KANK1: variants seen among roughly 807,000 people sequenced by gnomAD.
The protein encoded by KANK1 is KN motif and ankyrin repeat domain-containing protein 1.
A neutral mutation model predicts 106.2 loss-of-function variants in KANK1; 109 were observed. The ratio of observed to expected loss-of-function variants is 1.03; its 90% confidence interval spans 0.88 to 1.20. The LOEUF (loss-of-function observed/expected upper bound fraction) is 1.20, where lower values mean the gene tolerates loss of function less well. Ranked by LOEUF, KANK1 falls within the 50% of genes most tolerant of loss-of-function variation. The probability of loss-of-function intolerance (pLI) is 0.00; values close to 1 mark genes in which losing one functional copy is unlikely to be tolerated. For missense variants in KANK1, 2,399 were observed against 1,710.7 expected, an observed-to-expected ratio of 1.40 and a Z score of -7.10; for synonymous variants, 873 against 652.2, an observed-to-expected ratio of 1.34 and a Z score of -5.16.
At chr9:743,112 G>A (rs906147750) in intron 10 of KANK1, among the ~76,000 whole-genome samples, 1 of 152,240 alleles carries the variant, frequency 6.6e-6, no homozygotes, top group African/African-American at 2.4e-5. Context: ...CATGTAGGCA[G>A]TGAGATGGTG....
Position 713,231 on chromosome 9 carries a change from G to A in KANK1, c.2465G>A (p.Gly822Asp), listed in dbSNP as rs765871513. The stretch of plus-strand genomic sequence containing the variant: ...CAAGCTCCACTTGGAATGATGACTG[G>A]CCTGGATCACTACATTGAGCGTATC... ...QPQAPLGMMT[G>D]LDHYIERIQK... Residue 822 changes from glycine (G) to aspartate (D), a missense_variant, in exon 3 of 12, where the codon GGC becomes GAC. Gly to Asp is a moderately conservative substitution (Grantham distance 94, BLOSUM62 -1). Coordinates refer to ENST00000382297, the MANE Select transcript of KANK1 (RefSeq NM_015158.5). 6.2e-7 allele frequency: 1 copy of A among 1,603,780 alleles called. No homozygotes were observed. Among genetic ancestry groups the A allele is most frequent in the Admixed American group, 1.7e-5 (1 of 59,180 alleles).
upstream of KANK1, among the ~76,000 whole-genome samples, chr9:504,242 GGGT>G (rs1240623311): frequency 1.3e-5 from 2 of 152,170 alleles, no homozygotes; most frequent in Non-Finnish European, 2.9e-5. Flanking sequence ...CTCCCCTTGC[GGGT>G]GTGTGTGCGA....
At chr9:726,628 ACT>A (rs1369852033) in intron 3 of KANK1, among the ~76,000 whole-genome samples, 1 of 151,304 alleles carries the variant, frequency 6.6e-6, no homozygotes, top group East Asian at 2.0e-4. Context: ...ACAGAGTAAG[ACT>A]CTGTCTCGAA....
intron 1 of KANK1, among the ~76,000 whole-genome samples, chr9:611,890 T>C (rs990814814): frequency 2.0e-5 from 3 of 152,066 alleles, no homozygotes; most frequent in Non-Finnish European, 4.4e-5. Context: ...GGCTAATTTT[T>C]TGTATGTTTA....
intron 1 of KANK1, among the ~76,000 whole-genome samples, chr9:609,720 C>G (rs1051326192): frequency 1.3e-5 from 2 of 152,084 alleles, no homozygotes; most frequent in Non-Finnish European, 2.9e-5. Flanking sequence ...ATTGGTACTT[C>G]TTTTATTCCC....
Position 711,135 on chromosome 9 carries a change from C to T in KANK1, c.369C>T (p.Pro123=). 6.2e-7 allele frequency: 1 copy of T among 1,614,166 alleles called. No homozygotes were observed. Among genetic ancestry groups the T allele is most frequent in the Non-Finnish European group, 8.5e-7 (1 of 1,180,032 alleles). ...CAACTCCAATCTCAAAGCCACCTCC[C>T]CCTCTGGAGACCTCACTCCCTTTTC... is the stretch of plus-strand genomic sequence containing the variant. The part of the protein sequence containing the change: ...VTSTPISKPP[P]PLETSLPFLT... The change falls in exon 3 of 12, where the codon CCC becomes CCT. Residue 123 remains proline (P), a synonymous_variant. Transcript: ENST00000382297.
At chr9:728,776 T>G (rs1291633938) in intron 3 of KANK1, among the ~76,000 whole-genome samples, 1 of 152,222 alleles carries the variant, frequency 6.6e-6, no homozygotes, top group Non-Finnish European at 1.5e-5. Flanking sequence ...CAGACACTCC[T>G]TTCTGTTGAT....
intron 1 of KANK1, among the ~76,000 whole-genome samples, chr9:594,056 G>C (rs58938929): frequency 6.6e-6 from 1 of 151,828 alleles, no homozygotes; most frequent in African/African-American, 2.4e-5. Flanking sequence ...ATGGTGCTGC[G>C]CTCGAGAGAA....
chr9:684,186 C>G, intron 2 of KANK1: 1 of 985,370 alleles, frequency 1.0e-6, no homozygotes, highest in African/African-American at 1.7e-5. Flanking sequence ...TGCCCCAAGC[C>G]TTGAGCCAGT....
chr9:734,909 T>C lies in KANK1; in HGVS notation c.3333+74T>C, dbSNP rs372869054. 1,190 of 1,072,840 alleles carry C rather than the reference T, an allele frequency of 1.1e-3. 20 individuals are homozygous for C. In the South Asian group the frequency reaches 0.014, roughly 13 times the overall value. 66.5% of individuals were successfully genotyped at this position (1,072,840 alleles called of 1,614,324 possible). On this transcript the variant is annotated intron_variant, in intron 7 of 11. Transcript: ENST00000382297. ...GTGGGTTCATTGTCAAGGCCAGCTG[T>C]AGGCTGCCCGAGCTGTTGCTTGCAT...
intron 1 of KANK1, among the ~76,000 whole-genome samples, chr9:567,618 C>T (rs1296261234): frequency 6.6e-6 from 1 of 152,284 alleles, no homozygotes; most frequent in Admixed American, 6.5e-5. Context: ...AGAACTTTTG[C>T]AGCATTTCTT....
At chr9:659,581 A>T (rs1018150621) in intron 1 of KANK1, among the ~76,000 whole-genome samples, 6 of 152,324 alleles carry the variant, frequency 3.9e-5, no homozygotes, top group African/African-American at 1.4e-4. Flanking sequence ...AAAAGGCTTA[A>T]TCGACTCACA....
At chr9:688,825 C>G (rs971331547) in intron 2 of KANK1, among the ~76,000 whole-genome samples, 2 of 152,098 alleles carry the variant, frequency 1.3e-5, no homozygotes, top group Admixed American at 6.5e-5. Flanking sequence ...TTCCTTTTGT[C>G]TCAGGCTTAT....
chr9:713,122 T>C lies in KANK1; in HGVS notation c.2356T>C (p.Leu786=), dbSNP rs1826662398. 1 of 1,603,504 alleles carries C rather than the reference T, an allele frequency of 6.2e-7. No homozygotes were observed. Among genetic ancestry groups the C allele is most frequent in the African/African-American group, 1.3e-5 (1 of 74,730 alleles). ...GACTATAGCTTGTGGGCCACCACAG[T>C]TGACTGTGGGGCTGACAGCCAGCAG... ...MRTIACGPPQ[L]TVGLTASRRS... Residue 786 remains leucine, a synonymous_variant, in exon 3 of 12, where the codon TTG becomes CTG. Coordinates refer to ENST00000382297, the MANE Select transcript of KANK1 (RefSeq NM_015158.5).
At chr9:570,733 T>C (rs368654514) in intron 1 of KANK1, among the ~76,000 whole-genome samples, 1 of 152,230 alleles carries the variant, frequency 6.6e-6, no homozygotes. Flanking sequence ...TTAGGAAATA[T>C]GCATGCTAAT....
intron 10 of KANK1, among the ~76,000 whole-genome samples, chr9:742,913 ACTT>A (rs1836059366): frequency 6.6e-6 from 1 of 152,122 alleles, no homozygotes; most frequent in African/African-American, 2.4e-5. Context: ...GAGTAGCTTG[ACTT>A]CTTGAAGCGT....
At chr9:682,372 G>A (rs1166998198) in intron 2 of KANK1, among the ~76,000 whole-genome samples, 1 of 151,988 alleles carries the variant, frequency 6.6e-6, no homozygotes, top group Non-Finnish European at 1.5e-5. Context: ...TCCACACTAG[G>A]TCTTATTTTT....
At chr9:504,322 G>C (rs2058627705), upstream of KANK1, among the ~76,000 whole-genome samples, 1 of 151,968 alleles carries the variant, frequency 6.6e-6, no homozygotes, top group Non-Finnish European at 1.5e-5. Context: ...CTTCTGCTTA[G>C]TTCTCGCCGC....
At chr9:655,209 A>G (rs1841859681) in intron 1 of KANK1, among the ~76,000 whole-genome samples, 1 of 152,034 alleles carries the variant, frequency 6.6e-6, no homozygotes, top group South Asian at 2.1e-4. Context: ...GTCTCTACTA[A>G]AAATACAAGA....
Sources: allele counts gnomAD v4.1 joint callset (sites outside exome capture counted in the v4.1 genomes callset), GRCh38; gene constraint gnomAD v4.1.1; transcripts MANE v1.5; gene names NCBI Gene and HGNC (gene_info 2026-07-23, HGNC 2026-07-21).